The following VIL1 variants were observed in gnomAD, a reference collection of about 807,000 sequenced individuals.
The protein encoded by VIL1 is villin-1.
VIL1 carries 86 observed loss-of-function variants against 104.0 expected under a neutral mutation model. The observed-to-expected ratio is 0.83, with a 90% CI of 0.69 to 0.99. The LOEUF (loss-of-function observed/expected upper bound fraction) is 0.99. Ranked by LOEUF, VIL1 falls within the 50% of genes least tolerant of loss-of-function variation. The pLI is 0.00. For missense variants in VIL1, 944 were observed against 1,054.1 expected, an observed-to-expected ratio of 0.90 and a Z score of 1.45; for synonymous variants, 394 against 412.6, an observed-to-expected ratio of 0.95 and a Z score of 0.55.
chr2:218,426,582 C>T (rs1689006198), intron 4 of VIL1, among the ~76,000 whole-genome samples: 1 of 151,274 alleles, frequency 6.6e-6, no homozygotes, highest in African/African-American at 2.4e-5. Flanking sequence ...ACTGGGACTA[C>T]AGGCCCGAGC....
In VIL1 at chr2:218,428,090, G is replaced by A; in HGVS notation, c.456+17G>A. On this transcript the variant is annotated intron_variant, in intron 5 of 19. Transcript: ENST00000248444. Reference sequence around the variant, plus strand: ...GCTGGAGAGGTAGGCAGGCCCCACTGGAGCATCGGCCAGGGCTGTGAGGCC... The same window carrying A: ...GCTGGAGAGGTAGGCAGGCCCCACTAGAGCATCGGCCAGGGCTGTGAGGCC... 6.2e-7 allele frequency: 1 copy of A among 1,613,120 alleles called. No individual in the cohort carries two copies. Among genetic ancestry groups the A allele is most frequent in the Non-Finnish European group, 8.5e-7 (1 of 1,179,120 alleles).
chr2:218,443,648 A>G (rs937526766), intron 19 of VIL1, among the ~76,000 whole-genome samples: 2 of 151,900 alleles, frequency 1.3e-5, no homozygotes, highest in African/African-American at 4.8e-5. Flanking sequence ...CTTTTGTAAA[A>G]ATCAGTTTTC....
chr2:218,437,048 G>C lies in VIL1; in HGVS notation c.1972-76G>C, dbSNP rs940349282. 18 of 1,542,926 alleles carry C rather than the reference G, an allele frequency of 1.2e-5. No individual in the cohort carries two copies. In the African/African-American group the frequency reaches 2.5e-4, roughly 21 times the overall value. ...TCAGGGTCAAGGTCAGGGTTTCACT[G>C]TTGGACAACTGAGGCAGAGCCCTGT... On this transcript the variant is annotated intron_variant, in intron 16 of 19. Coordinates refer to ENST00000248444, the MANE Select transcript of VIL1 (RefSeq NM_007127.3).
At chr2:218,425,519 C>T in intron 3 of VIL1, 96 bp from the exon 4 acceptor site, 1 of 1,324,136 alleles carries the variant, frequency 7.6e-7, no homozygotes, top group Non-Finnish European at 1.1e-6. Flanking sequence ...CCACGCTCCC[C>T]CATAGTCCTG....
chr2:218,436,150 T>C (rs1446755065), intron 15 of VIL1, among the ~76,000 whole-genome samples: 1 of 152,134 alleles, frequency 6.6e-6, no homozygotes, highest in African/African-American at 2.4e-5. Flanking sequence ...AAATGGTTTT[T>C]CTAGAGAATA....
chr2:218,435,347 C>A lies in VIL1; in HGVS notation c.1739C>A (p.Thr580Lys), dbSNP rs144276467. ...ATGGTTGCTGACACCATCTCCCGGA[C>A]GGAGAAGCAAGTGGTGGTGGAAGGG... is the stretch of plus-strand genomic sequence containing the variant. ...AKMVADTISR[T>K]EKQVVVEGQE... Residue 580 changes from threonine (T) to lysine (K), a missense_variant, in exon 15 of 20, where the codon ACG becomes AAG. Thr to Lys is a moderately conservative substitution (Grantham distance 78). Coordinates refer to ENST00000248444, the MANE Select transcript of VIL1 (RefSeq NM_007127.3). 9.3e-6 allele frequency: 15 copies of A among 1,614,016 alleles called. No homozygotes were observed. In the Middle Eastern group the frequency reaches 5.0e-4, roughly 53 times the overall value.
chr2:218,427,894 G>A, intron 4 of VIL1, 71 bp from the exon 5 acceptor site: 1 of 1,472,462 alleles, frequency 6.8e-7, no homozygotes, highest in Non-Finnish European at 9.4e-7. Context: ...GTGGCAGCCA[G>A]GACCTGGGAG....
rs534903395 is a variant in VIL1, at chr2:218,452,022, A to G, written c.*2686A>G. On this transcript the variant is annotated 3_prime_UTR_variant, in exon 20 of 20. Coordinates refer to ENST00000248444, the MANE Select transcript of VIL1 (RefSeq NM_007127.3). ...CTTCTCATAGGCTTAAATTATAGTCATGGCTATTAAAGAAATTAACAGCAT... is the reference window on the plus strand; with the variant it reads ...CTTCTCATAGGCTTAAATTATAGTCGTGGCTATTAAAGAAATTAACAGCAT... 6.5e-6 allele frequency: 1 copy of G among 152,770 alleles called. No homozygotes were observed. The highest frequency in any genetic ancestry group is 1.9e-4 in the East Asian group (1 of 5,192). 9.5% of individuals were successfully genotyped at this position (152,770 alleles called of 1,614,324 possible).
In VIL1 at chr2:218,444,942, C is replaced by T. The variant is rs928366319; in HGVS notation, c.2370+4080C>T. On this transcript the variant is annotated intron_variant, in intron 19 of 19. Coordinates refer to ENST00000248444, the MANE Select transcript of VIL1 (RefSeq NM_007127.3). ...TCAGAGTCCAGCAGTCTTGACAAAG[C>T]GGAAGAGCCAGCCTGGCTGGACCAG... 5.3e-5 allele frequency among the ~76,000 whole-genome samples: 8 copies of T among 152,226 alleles called. No homozygotes were observed. In the South Asian group the frequency reaches 6.2e-4, roughly 12 times the overall value.
At chr2:218,449,077 C>T in intron 19 of VIL1, 146 bp from the exon 20 acceptor site, 1 of 674,420 alleles carries the variant, frequency 1.5e-6, no homozygotes, top group Non-Finnish European at 2.7e-6. Context: ...CATCCCTTTC[C>T]TGGCTCTCCT....
rs755861387 is a variant in VIL1, at chr2:218,425,621, A to C, written c.157A>C (p.Lys53Gln). ...CTGGACACCTTTTCCCTAGATCCAC[A>C]AGACAGCCAGCAGCCTGTCCTATGA... ...GDCYIILAIH[K>Q]TASSLSYDIH... Residue 53 changes from lysine to glutamine, a missense_variant, in exon 4 of 20, where the codon AAG (lysine) becomes CAG (glutamine). Coordinates refer to ENST00000248444, the MANE Select transcript of VIL1 (RefSeq NM_007127.3). 1 of 1,614,100 alleles carries C rather than the reference A, an allele frequency of 6.2e-7. No homozygotes were observed. Among genetic ancestry groups the C allele is most frequent in the Admixed American group, 1.7e-5 (1 of 60,018 alleles).
intron 4 of VIL1, among the ~76,000 whole-genome samples, chr2:218,426,059 G>A (rs1172608168): frequency 6.6e-6 from 1 of 152,156 alleles, no homozygotes; most frequent in Non-Finnish European, 1.5e-5. Context: ...TTCTGCCACT[G>A]CTCTGTCCTT....
At chr2:218,435,541 G>A (rs1020510575) in intron 15 of VIL1, 107 bp downstream of exon 15, 2 of 1,438,526 alleles carry the variant, frequency 1.4e-6, no homozygotes, top group Admixed American at 2.5e-5. Context: ...AGGACTCTGT[G>A]TGTCAGGCAC....
chr2:218,426,925 A>G (rs111981995), intron 4 of VIL1, among the ~76,000 whole-genome samples: 2,483 of 152,054 alleles, frequency 0.016, 29 homozygotes, highest in South Asian at 0.051. Flanking sequence ...TAATATATAT[A>G]TTTTGTAGAG....
At chr2:218,445,601 C>T (rs112528929) in intron 19 of VIL1, among the ~76,000 whole-genome samples, 2,168 of 152,108 alleles carry the variant, frequency 0.014, 17 homozygotes, top group Non-Finnish European at 0.024. Flanking sequence ...TACTAAGAAG[C>T]TGTTTAATTC....
intron 4 of VIL1, 96 bp from the exon 5 acceptor site, chr2:218,427,869 T>C: frequency 1.7e-6 from 2 of 1,167,092 alleles, no homozygotes; most frequent in Admixed American, 3.5e-5. Flanking sequence ...ACCCTGGCCC[T>C]CACGTGACCC....
chr2:218,425,926 CT>C, intron 4 of VIL1, 115 bp downstream of exon 4: 1 of 1,150,426 alleles, frequency 8.7e-7, no homozygotes, highest in Non-Finnish European at 1.2e-6. Context: ...GGGAAGAACA[CT>C]TGGAGCAGGG....
intron 12 of VIL1, 93 bp from the exon 13 acceptor site, chr2:218,432,700 C>T: frequency 6.5e-7 from 1 of 1,529,748 alleles, no homozygotes; most frequent in Middle Eastern, 1.7e-4. Flanking sequence ...AGGACCAGTT[C>T]AGACTTGAGG....
In VIL1 at chr2:218,452,315, A is replaced by G. The variant is rs190152795; in HGVS notation, c.*2979A>G. 17 of 152,300 alleles carry G rather than the reference A, an allele frequency of 1.1e-4. No homozygotes were observed. The highest frequency in any genetic ancestry group is 1.0e-3 in the Admixed American group (16 of 15,294). The allele number at this position is 152,300 out of a possible 1,614,324, so 9.4% of individuals were successfully genotyped here. ...TCTAACTTGTCCCTTCCTGGCCCCA[A>G]CATGCTAACTGCCCCATCCCCAATT... On this transcript the variant is annotated 3_prime_UTR_variant, in exon 20 of 20. Transcript: ENST00000248444.
Sources: gnomAD v4.1 joint callset for allele counts (sites outside exome capture counted in the v4.1 genomes callset) on GRCh38, gnomAD v4.1.1 for gene constraint, MANE v1.5 for transcripts, NCBI Gene and HGNC (gene_info 2026-07-23, HGNC 2026-07-21) for gene names.